TDRP: variants seen among roughly 807,000 people sequenced by gnomAD.
The protein encoded by TDRP is testis development related protein.
TDRP carries 12 observed loss-of-function variants against 10.5 expected under a neutral mutation model. The observed-to-expected ratio is 1.15, with a 90% CI of 0.73 to 1.86. The LOEUF is 1.86. Among genes scored for constraint, TDRP ranks in the 40% most tolerant of loss-of-function variants. The pLI, the probability that TDRP is intolerant of heterozygous loss-of-function variation, is 0.00. For synonymous variants in TDRP, 139 were observed against 95.4 expected, an observed-to-expected ratio of 1.46 and a Z score of -2.67; for missense variants, 353 against 229.2, an observed-to-expected ratio of 1.54 and a Z score of -3.49.
intron 1 of TDRP, among the ~76,000 whole-genome samples, chr8:532,865 C>T (rs985507688): frequency 3.3e-5 from 5 of 151,428 alleles, no homozygotes; most frequent in African/African-American, 9.6e-5. Flanking sequence ...AAGTTGCCTA[C>T]GGCTGCTTTC....
chr8:522,431 C>G (rs866207045), intron 1 of TDRP, among the ~76,000 whole-genome samples: 1 of 152,172 alleles, frequency 6.6e-6, no homozygotes, highest in Non-Finnish European at 1.5e-5. Flanking sequence ...TGAGACTCAT[C>G]TCTCCCTTTG....
chr8:542,503 A>C (rs1438483924), intron 1 of TDRP, among the ~76,000 whole-genome samples: 1 of 152,118 alleles, frequency 6.6e-6, no homozygotes, highest in Non-Finnish European at 1.5e-5. Flanking sequence ...TGGGCACCTA[A>C]AACTGGATAC....
At chr8:545,012 C>T (rs1240843672), upstream of TDRP, 2 of 296,930 alleles carry the variant, frequency 6.7e-6, no homozygotes, top group East Asian at 1.1e-4. Flanking sequence ...TCCTCAGGAC[C>T]AGGCCCGCCC....
At position 538,333 on chromosome 8, in the gene TDRP, G is replaced by A. The variant is rs149514143; in HGVS notation, c.108+6317C>T. On this transcript the variant is annotated intron_variant, in intron 1 of 2. Coordinates refer to ENST00000324079, the MANE Select transcript of TDRP (RefSeq NM_001384899.1). ...TTCGCACTGCAGGGACTTCTACTGAGGCTGGGAAGGACAAAAGCGAGGTCC... is the reference window on the plus strand; with the variant it reads ...TTCGCACTGCAGGGACTTCTACTGAAGCTGGGAAGGACAAAAGCGAGGTCC... 3.0e-4 allele frequency among the ~76,000 whole-genome samples: 45 copies of A among 152,356 alleles called. 1 individual carries two copies. The East Asian group carries it at 8.5e-3, about 29-fold the overall frequency.
chr8:498,045 G>C (rs1304931126), intron 1 of TDRP, among the ~76,000 whole-genome samples: 1 of 152,150 alleles, frequency 6.6e-6, no homozygotes, highest in Non-Finnish European at 1.5e-5. Flanking sequence ...TGCTGCAAGG[G>C]TAGAGCCCTC....
At chr8:497,855 C>T (rs897796669) in intron 1 of TDRP, among the ~76,000 whole-genome samples, 21 of 152,174 alleles carry the variant, frequency 1.4e-4, no homozygotes, top group South Asian at 2.1e-4. Context: ...CTCCACCTCC[C>T]GCAGTGGCTA....
Position 541,483 on chromosome 8 carries a change from G to A in TDRP, c.108+3167C>T, listed in dbSNP as rs115831460. ...CAAGAGAATGTGAAGCCACAGATTGGGAGAAAATCTTTATAGAACACATAC... is the reference window on the plus strand; with the variant it reads ...CAAGAGAATGTGAAGCCACAGATTGAGAGAAAATCTTTATAGAACACATAC... On this transcript the variant is annotated intron_variant, in intron 1 of 2. Coordinates refer to ENST00000324079, the MANE Select transcript of TDRP (RefSeq NM_001384899.1). Among the ~76,000 whole-genome samples, 579 of 152,240 alleles carry A rather than the reference G, an allele frequency of 3.8e-3. 4 individuals are homozygous for A. Among genetic ancestry groups the A allele is most frequent in the African/African-American group, 0.013 (541 of 41,534 alleles).
intron 1 of TDRP, among the ~76,000 whole-genome samples, chr8:503,188 C>T (rs570269396): frequency 6.6e-5 from 10 of 151,944 alleles, no homozygotes; most frequent in South Asian, 4.2e-4. Flanking sequence ...CACCTCAACA[C>T]GCACCAACAC....
chr8:519,759 G>A (rs1051820777), intron 1 of TDRP, among the ~76,000 whole-genome samples: 1 of 152,304 alleles, frequency 6.6e-6, no homozygotes, highest in Admixed American at 6.5e-5. Context: ...TTAAAGACAG[G>A]GTTTGGAATG....
chr8:522,430 T>C (rs1431172208), intron 1 of TDRP, among the ~76,000 whole-genome samples: 3 of 152,182 alleles, frequency 2.0e-5, no homozygotes, highest in Non-Finnish European at 2.9e-5. Context: ...GTGAGACTCA[T>C]CTCTCCCTTT....
intron 1 of TDRP, among the ~76,000 whole-genome samples, chr8:527,039 G>C (rs1243165364): frequency 1.3e-5 from 2 of 152,124 alleles, no homozygotes; most frequent in Non-Finnish European, 2.9e-5. Context: ...AGGATGGCTT[G>C]AGGCCCAGAG....
intron 1 of TDRP, among the ~76,000 whole-genome samples, chr8:504,473 C>T (rs1801400438): frequency 6.6e-6 from 1 of 152,152 alleles, no homozygotes; most frequent in Non-Finnish European, 1.5e-5. Flanking sequence ...AACCCACTCA[C>T]CAAGTGAAAC....
chr8:521,246 C>A (rs957077393), intron 1 of TDRP, among the ~76,000 whole-genome samples: 54,941 of 84,558 alleles, frequency 0.65, 17,417 homozygotes, highest in Admixed American at 0.72. Context: ...ACTAAAAATC[C>A]AAAAAAAAAA....
chr8:509,037 C>G (rs183781553), intron 1 of TDRP, among the ~76,000 whole-genome samples: 23 of 152,356 alleles, frequency 1.5e-4, no homozygotes, highest in Admixed American at 4.6e-4. Flanking sequence ...TCTCCTTTGA[C>G]TCCATGTCTC....
At chr8:517,456 G>T (rs920618533) in intron 1 of TDRP, among the ~76,000 whole-genome samples, 3 of 152,064 alleles carry the variant, frequency 2.0e-5, no homozygotes, top group African/African-American at 7.2e-5. Flanking sequence ...CCTCTACCTG[G>T]AAGCTTCAAG....
intron 1 of TDRP, among the ~76,000 whole-genome samples, chr8:530,746 T>G (rs1268177194): frequency 6.6e-6 from 1 of 152,138 alleles, no homozygotes; most frequent in Non-Finnish European, 1.5e-5. Context: ...AACATACCCT[T>G]GGTTCTCTCA....
At chr8:525,444 C>T (rs147150782) in intron 1 of TDRP, among the ~76,000 whole-genome samples, 26 of 152,262 alleles carry the variant, frequency 1.7e-4, no homozygotes, top group African/African-American at 6.3e-4. Flanking sequence ...TGTTAAAGTA[C>T]TCATATCTTA....
chr8:506,534 C>T (rs528621686), intron 1 of TDRP, among the ~76,000 whole-genome samples: 3 of 152,312 alleles, frequency 2.0e-5, no homozygotes, highest in East Asian at 1.9e-4. Context: ...GGGAAGGAGG[C>T]GCTGCTGTGC....
intron 1 of TDRP, among the ~76,000 whole-genome samples, chr8:533,513 GAA>G (rs1367355247): frequency 2.0e-4 from 30 of 152,284 alleles, no homozygotes; most frequent in Admixed American, 5.9e-4. Context: ...TCTTCCATCT[GAA>G]ACTCAGGTTC....
Sources: gnomAD v4.1 joint callset for allele counts (sites outside exome capture counted in the v4.1 genomes callset) on GRCh38, gnomAD v4.1.1 for gene constraint, MANE v1.5 for transcripts, NCBI Gene and HGNC (gene_info 2026-07-23, HGNC 2026-07-21) for gene names.